The following BRF1 variants were observed in gnomAD, a reference collection of about 807,000 sequenced individuals.
BRF1 encodes the protein transcription factor IIIB 90 kDa subunit.
Under a neutral mutation model 81.7 loss-of-function variants are expected in BRF1, and 59 were observed. The ratio of observed to expected loss-of-function variants is 0.72; its 90% CI spans 0.59 to 0.90. BRF1 has a LOEUF of 0.90. Ranked by LOEUF, BRF1 falls within the 40% of genes least tolerant of loss-of-function variation. The pLI, the probability that BRF1 is intolerant of heterozygous loss-of-function variation, is 0.00. For missense variants in BRF1, 1,050 were observed against 936.3 expected (o/e 1.12, Z -1.58); for synonymous variants, 491 against 395.6 (o/e 1.24, Z -2.86).
chr14:105,248,933 C>T (rs1595379671), intron 5 of BRF1: 3 of 982,406 alleles, frequency 3.1e-6, no homozygotes, highest in Non-Finnish European at 3.6e-6. Context: ...ACAGCAACGC[C>T]GGCGCCGCCG....
Position 105,211,280 on chromosome 14 carries a change from C to A in BRF1, c.1838G>T (p.Ser613Ile), listed in dbSNP as rs587631691. Residue 613 changes from serine to isoleucine, a missense_variant, in exon 17 of 18, where the codon AGC becomes ATC. Coordinates refer to ENST00000547530, the MANE Select transcript of BRF1 (RefSeq NM_001519.4). Reference protein sequence around the residue: ...KVATGEALLPSSPTLGAEPAR... With the variant: ...KVATGEALLPISPTLGAEPAR... Reference sequence around the variant, plus strand: ...AGGCTCAGCTCCGAGGGTGGGAGAGCTTGGGAGCAAAGCCTGGAACGAAGT... The same window carrying A: ...AGGCTCAGCTCCGAGGGTGGGAGAGATTGGGAGCAAAGCCTGGAACGAAGT... 5.0e-6 allele frequency: 8 copies of A among 1,599,504 alleles called. No individual in the cohort carries two copies. In the African/African-American group the frequency reaches 9.4e-5, roughly 19 times the overall value.
At chr14:105,301,919 G>A (rs2058044239), upstream of BRF1, among the ~76,000 whole-genome samples, 1 of 152,150 alleles carries the variant, frequency 6.6e-6, no homozygotes, top group African/African-American at 2.4e-5. Flanking sequence ...GGCGGATCAC[G>A]TAAGGTGAGG....
intron 6 of BRF1, among the ~76,000 whole-genome samples, chr14:105,229,324 C>G (rs1396573986): frequency 6.6e-6 from 1 of 152,200 alleles, no homozygotes; most frequent in African/African-American, 2.4e-5. Context: ...ACCAAGGCCA[C>G]AGTGGGCCCA....
intron 5 of BRF1, among the ~76,000 whole-genome samples, chr14:105,245,256 G>C (rs1034327262): frequency 2.0e-5 from 3 of 152,146 alleles, no homozygotes; most frequent in African/African-American, 7.2e-5. Flanking sequence ...AGCTACTCAG[G>C]AGACTGAGAC....
chr14:105,295,702 T>C (rs587621796), intron 1 of BRF1, among the ~76,000 whole-genome samples: 1 of 151,960 alleles, frequency 6.6e-6, no homozygotes, highest in Non-Finnish European at 1.5e-5. Flanking sequence ...AAGGATCTCT[T>C]GAACCCAGAA....
intron 2 of BRF1, among the ~76,000 whole-genome samples, chr14:105,275,603 A>T (rs1383895698): frequency 1.3e-5 from 2 of 152,174 alleles, no homozygotes. Flanking sequence ...ATGTTTGAAA[A>T]TTCTGTAATA....
At chr14:105,249,050 C>CG in intron 5 of BRF1, 1 of 1,286,030 alleles carries the variant, frequency 7.8e-7, no homozygotes, top group Non-Finnish European at 9.8e-7. Flanking sequence ...AGGAGAGCCC[C>CG]GGCTGGCGGT....
At chr14:105,310,390 C>T (rs1225344610) in intron 1 of BRF1, among the ~76,000 whole-genome samples, 3 of 151,722 alleles carry the variant, frequency 2.0e-5, no homozygotes, top group Non-Finnish European at 2.9e-5. Context: ...ATTAGCCAGG[C>T]GTGGTGGCAG....
intron 5 of BRF1, among the ~76,000 whole-genome samples, chr14:105,251,246 G>A (rs2055593176): frequency 6.6e-6 from 1 of 152,184 alleles, no homozygotes. Context: ...AAGCCCATCT[G>A]TCCCCTGGGT....
chr14:105,228,786 T>C (rs1313512525), intron 7 of BRF1, 34 bp downstream of exon 7: 4 of 1,610,544 alleles, frequency 2.5e-6, no homozygotes, highest in South Asian at 1.1e-5. Flanking sequence ...GAAGCCTCTG[T>C]GTGGTCCCCA....
intron 5 of BRF1, chr14:105,248,345 G>A: frequency 2.0e-6 from 2 of 985,488 alleles, no homozygotes; most frequent in Non-Finnish European, 2.4e-6. Flanking sequence ...ACGGGCGCAA[G>A]CACCTGCGCA....
rs906928707 is a variant in BRF1, at chr14:105,271,064, C to T, written c.439+1657G>A. 6.6e-6 allele frequency among the ~76,000 whole-genome samples: 1 copy of T among 152,118 alleles called. No homozygotes were observed. Among genetic ancestry groups the T allele is most frequent in the African/African-American group, 2.4e-5 (1 of 41,412 alleles). The stretch of plus-strand genomic sequence containing the variant: ...ATTATAAAAAAGATTCGGAAAAGAC[C>T]CAGAGCTCTTAGAGATGAAAAACAT... On this transcript the variant is annotated intron_variant, in intron 3 of 17. Transcript: ENST00000547530. The surrounding 1 kb of genome is among the most constrained non-coding windows in gnomAD (Gnocchi z 5.5).
At chr14:105,228,642 G>A (rs928063475) in intron 7 of BRF1, among the ~76,000 whole-genome samples, 178 bp downstream of exon 7, 9 of 152,054 alleles carry the variant, frequency 5.9e-5, no homozygotes, top group African/African-American at 1.9e-4. Flanking sequence ...GGAGGGAGGC[G>A]AGGCAGCCCA....
At chr14:105,297,526 C>T (rs977571101) in intron 1 of BRF1, among the ~76,000 whole-genome samples, 2 of 151,424 alleles carry the variant, frequency 1.3e-5, no homozygotes, top group Admixed American at 6.6e-5. Flanking sequence ...GCTCAGATCG[C>T]GCCACTGCAC....
At position 105,241,410 on chromosome 14, in the gene BRF1, C is replaced by A. The variant is rs144658695; in HGVS notation, c.549G>T (p.Pro183=). 6.2e-7 allele frequency: 1 copy of A among 1,611,592 alleles called. No individual in the cohort carries two copies. The highest frequency in any genetic ancestry group is 1.1e-5 in the South Asian group (1 of 91,092). ...GCGCAAAGCGTGGAATATACAGGCA[C>A]GGGTCTGCGGCAGACACAGCACCTC... ...ELCINAPAID[P]CLYIPRFAHL... The change falls in exon 6 of 18, where the codon CCG becomes CCT. Residue 183 remains proline (P), a synonymous_variant. Transcript: ENST00000547530.
intron 5 of BRF1, among the ~76,000 whole-genome samples, chr14:105,244,114 G>A (rs996349949): frequency 1.3e-5 from 2 of 151,466 alleles, no homozygotes; most frequent in African/African-American, 4.9e-5. Flanking sequence ...TTCGAGGTCA[G>A]CCTGGGAAAC....
In BRF1 at chr14:105,248,411, G is replaced by A. The variant is rs587686855; in HGVS notation, c.544+4096C>T. On this transcript the variant is annotated intron_variant, in intron 5 of 17. Coordinates refer to ENST00000547530, the MANE Select transcript of BRF1 (RefSeq NM_001519.4). ...CCAGCGCCGGGAGCCGCCTTCCACG[G>A]CTACCTCTGCACAGCGCGCGGCTCG... 845 of 985,386 alleles carry A rather than the reference G, an allele frequency of 8.6e-4. 6 individuals carry two copies. The African/African-American group carries it at 0.014, about 16-fold the overall frequency. The allele number at this position is 985,386 out of a possible 1,614,324, so 61.0% of individuals were successfully genotyped here. A position where few individuals can be genotyped will look rare whatever the true frequency, so the allele number is the denominator to read the frequency against.
In BRF1 at chr14:105,300,526, T is replaced by A. The variant is rs771740040; in HGVS notation, c.104A>T (p.Asn35Ile). 7.8e-6 allele frequency: 12 copies of A among 1,537,836 alleles called. No homozygotes were observed. The highest frequency in any genetic ancestry group is 2.8e-5 in the African/African-American group (2 of 71,568). ...GAACTGCACCTCGGACACGATGATG[T>A]TGTCCTCCAGCACTGAGCCGCAGGC... ...CTACGSVLED[N>I]IIVSEVQFVE... The change falls in exon 1 of 18, where the codon AAC (asparagine) becomes ATC (isoleucine). Residue 35 changes from asparagine (N) to isoleucine (I), a missense_variant. Physicochemically the swap from Asn to Ile is moderately radical, Grantham distance 149. This residue lies in a region of BRF1 where 1,043 missense variants were observed against 915.4 expected (regional missense o/e 1.14). Coordinates refer to ENST00000547530, the MANE Select transcript of BRF1 (RefSeq NM_001519.4).
In BRF1 at chr14:105,210,050, C is replaced by T. The variant is rs950739768; in HGVS notation, c.*501G>A. The stretch of plus-strand genomic sequence containing the variant: ...GCCAGATCCTCAGCTCCCACGGCTG[C>T]GCCGGACACCTGCAGGGCTCTGGCT... On this transcript the variant is annotated 3_prime_UTR_variant, in exon 18 of 18. Coordinates refer to ENST00000547530, the MANE Select transcript of BRF1 (RefSeq NM_001519.4). This position sits in a 1 kb window ranked among gnomAD's most constrained non-coding sequence, Gnocchi z 4.7. The T allele has an allele frequency of 9.1e-5, 20 of 219,622 alleles. No homozygotes were observed. Among genetic ancestry groups the T allele is most frequent in the African/African-American group, 3.9e-4 (17 of 43,348 alleles). 13.6% of individuals were successfully genotyped at this position (219,622 alleles called of 1,614,324 possible).
Sources: allele counts gnomAD v4.1 joint callset (sites outside exome capture counted in the v4.1 genomes callset), GRCh38; gene constraint gnomAD v4.1.1; regional missense constraint gnomAD v4.1.1; non-coding constraint Gnocchi (gnomAD v3.1); transcripts MANE v1.5; gene names NCBI Gene and HGNC (gene_info 2026-07-23, HGNC 2026-07-21).